The following NCOA6 variants were observed in gnomAD, a reference collection of about 807,000 sequenced individuals.
The protein encoded by NCOA6 is nuclear receptor coactivator 6.
Under a neutral mutation model 171.4 loss-of-function variants are expected in NCOA6, and 49 were observed. The observed-to-expected ratio is 0.29, with a 90% CI of 0.23 to 0.36. The LOEUF (loss-of-function observed/expected upper bound fraction) is 0.36. Ranked by LOEUF, NCOA6 falls within the 10% of genes least tolerant of loss-of-function variation. The pLI, the probability that NCOA6 is intolerant of heterozygous loss-of-function variation, is 1.00. For synonymous variants in NCOA6, 910 were observed against 927.5 expected, an observed-to-expected ratio of 0.98 and a Z score of 0.34; for missense variants, 2,248 against 2,554.5, an observed-to-expected ratio of 0.88 and a Z score of 2.59.
intron 1 of NCOA6, among the ~76,000 whole-genome samples, chr20:34,803,051 T>C (rs970515377): frequency 6.6e-6 from 1 of 151,992 alleles, no homozygotes; most frequent in African/African-American, 2.4e-5. Context: ...GCTCAAGTGA[T>C]CCACCCACCT....
At chr20:34,734,574 C>T (rs556135097) in intron 12 of NCOA6, among the ~76,000 whole-genome samples, 137 of 152,108 alleles carry the variant, frequency 9.0e-4, no homozygotes, top group African/African-American at 3.1e-3. Flanking sequence ...TTGAACCCCT[C>T]GGCTCAATCA....
At chr20:34,801,661 C>A (rs571764041) in intron 1 of NCOA6, among the ~76,000 whole-genome samples, 1 of 152,150 alleles carries the variant, frequency 6.6e-6, no homozygotes, top group East Asian at 1.9e-4. Flanking sequence ...CCTGAACAGA[C>A]CAGTAACAAG....
intron 8 of NCOA6, among the ~76,000 whole-genome samples, chr20:34,752,094 G>A (rs951074563): frequency 6.6e-6 from 1 of 152,070 alleles, no homozygotes; most frequent in African/African-American, 2.4e-5. Context: ...CTGACCTCAG[G>A]TGATCCACCC....
chr20:34,796,980 A>G lies in NCOA6; in HGVS notation c.-163-4417T>C, dbSNP rs181943369. Among the ~76,000 whole-genome samples the G allele has an allele frequency of 4.1e-3, 630 of 152,214 alleles. 2 individuals are homozygous for G. The highest frequency in any genetic ancestry group is 0.015 in the African/African-American group (602 of 41,514). ...AAAACAAAAGTTAGCTATAAATAAA[A>G]CCTCTTAAACGCTTAGTATCAATAT... is the stretch of plus-strand genomic sequence containing the variant. On this transcript the variant is annotated intron_variant, in intron 1 of 14. Coordinates refer to ENST00000359003, the MANE Select transcript of NCOA6 (RefSeq NM_014071.5).
rs186950817 is a variant in NCOA6 at position 34,805,032 on chromosome 20, T to C, written c.-163-12469A>G. ...CTAGTAACCTCTGTTCTACTCTCTA[T>C]TTCTTATACCCTTTTTTTTTTTTTT... On this transcript the variant is annotated intron_variant, in intron 1 of 14. Coordinates refer to ENST00000359003, the MANE Select transcript of NCOA6 (RefSeq NM_014071.5). Among the ~76,000 whole-genome samples the C allele has an allele frequency of 5.9e-5, 9 of 151,908 alleles. No individual in the cohort carries two copies. The East Asian group carries it at 1.7e-3, about 29-fold the overall frequency.
chr20:34,734,893 C>CCGGT (rs1176167815), intron 12 of NCOA6, among the ~76,000 whole-genome samples: 1 of 152,146 alleles, frequency 6.6e-6, no homozygotes, highest in African/African-American at 2.4e-5. Flanking sequence ...GGTGATCTGA[C>CCGGT]CGCCTCGGCC....
At position 34,741,938 on chromosome 20, in the gene NCOA6, C is replaced by G; in HGVS notation, c.4318G>C (p.Glu1440Gln). ...TCTTGGGCAGGGACTGCTTTTAGTT[C>G]AATGTTTACCTGTTCCTTCCTACTC... ...SQSRKEQVNI[E>Q]LKAVPAQEVK... Residue 1440 changes from glutamate (E) to glutamine (Q), a missense_variant, in exon 11 of 15, where the codon GAA becomes CAA. This residue lies in a region of NCOA6 where 884 missense variants were observed against 941.9 expected (regional missense o/e 0.94). Coordinates refer to ENST00000359003, the MANE Select transcript of NCOA6 (RefSeq NM_014071.5). The G allele has an allele frequency of 6.2e-7, 1 of 1,614,158 alleles. No homozygotes were observed. The highest frequency in any genetic ancestry group is 1.1e-5 in the South Asian group (1 of 91,076).
At chr20:34,733,632 A>G (rs1180447438) in intron 12 of NCOA6, among the ~76,000 whole-genome samples, 2 of 152,104 alleles carry the variant, frequency 1.3e-5, no homozygotes, top group East Asian at 3.9e-4. Flanking sequence ...TCATAACTCA[A>G]TGTTATTAGC....
chr20:34,755,000 C>T, intron 7 of NCOA6, 132 bp from the exon 8 acceptor site: 1 of 817,458 alleles, frequency 1.2e-6, no homozygotes, highest in Non-Finnish European at 1.8e-6. Flanking sequence ...CTGGTAGGAT[C>T]TTTAATAATA....
chr20:34,758,753 ATC>A (rs11468960), intron 6 of NCOA6, 50 bp downstream of exon 6: 598,983 of 1,586,246 alleles, frequency 0.38, 115,915 homozygotes, highest in Middle Eastern at 0.44. Flanking sequence ...TTTTATAATG[ATC>A]TGTGCAGAAA....
chr20:34,746,679 A>G, intron 10 of NCOA6, 128 bp downstream of exon 10: 1 of 1,107,434 alleles, frequency 9.0e-7, no homozygotes, highest in Non-Finnish European at 1.2e-6. Flanking sequence ...AATACCAGAC[A>G]CATTAAATCA....
chr20:34,750,484 G>T lies in NCOA6; in HGVS notation c.1711C>A (p.Gln571Lys). 1 of 1,611,454 alleles carries T rather than the reference G, an allele frequency of 6.2e-7. No homozygotes were observed. The highest frequency in any genetic ancestry group is 8.5e-7 in the Non-Finnish European group (1 of 1,178,506). ...QGAGPPQNQMQVSHGPPNMMQ... is the reference protein window; with the variant it reads ...QGAGPPQNQMKVSHGPPNMMQ... ...ATATTTGGCGGCCCGTGGGACACCT[G>T]CATCTGGTTTTGAGGAGGACCAGCT... The change falls in exon 9 of 15, where the codon CAG (glutamine) becomes AAG (lysine). Residue 571 changes from glutamine (Q) to lysine (K), a missense_variant. By Grantham distance (53) the Gln-to-Lys change is moderately conservative. Coordinates refer to ENST00000359003, the MANE Select transcript of NCOA6 (RefSeq NM_014071.5).
At chr20:34,759,020 G>C in intron 5 of NCOA6, 87 bp from the exon 6 acceptor site, 2 of 1,432,584 alleles carry the variant, frequency 1.4e-6, no homozygotes, top group Non-Finnish European at 9.6e-7. Flanking sequence ...GAAAAGATAT[G>C]GAAAATTTGT....
intron 12 of NCOA6, 166 bp from the exon 13 acceptor site, chr20:34,732,761 G>A (rs2075826526): frequency 5.5e-6 from 3 of 547,364 alleles, no homozygotes; most frequent in Non-Finnish European, 9.7e-6. Flanking sequence ...GATACAACTT[G>A]GTTTGTTTGG....
chr20:34,807,675 G>A (rs1222652129), intron 1 of NCOA6, among the ~76,000 whole-genome samples: 1 of 151,916 alleles, frequency 6.6e-6, no homozygotes, highest in Non-Finnish European at 1.5e-5. Context: ...ACAGGTGCCT[G>A]CCACTAGTCC....
At chr20:34,802,185 G>A (rs570172803) in intron 1 of NCOA6, among the ~76,000 whole-genome samples, 90 of 152,332 alleles carry the variant, frequency 5.9e-4, no homozygotes, top group Non-Finnish European at 1.0e-3. Flanking sequence ...ATCATTCATA[G>A]GCTGGGTGCG....
At chr20:34,762,674 A>G (rs762779024) in intron 5 of NCOA6, among the ~76,000 whole-genome samples, 1 of 152,158 alleles carries the variant, frequency 6.6e-6, no homozygotes, top group African/African-American at 2.4e-5. Flanking sequence ...TTATTACTAA[A>G]TAAGTCAATG....
chr20:34,801,716 T>A (rs1444384703), intron 1 of NCOA6, among the ~76,000 whole-genome samples: 1 of 151,952 alleles, frequency 6.6e-6, no homozygotes, highest in Non-Finnish European at 1.5e-5. Flanking sequence ...AATACAAAAA[T>A]TAGCCAGGCA....
chr20:34,766,172 T>C (rs1311583462), intron 5 of NCOA6, among the ~76,000 whole-genome samples: 1 of 152,210 alleles, frequency 6.6e-6, no homozygotes, highest in East Asian at 1.9e-4. Flanking sequence ...GGTTAAGATG[T>C]TACTGTTACT....
Sources: gnomAD v4.1 joint callset for allele counts (sites outside exome capture counted in the v4.1 genomes callset) on GRCh38, gnomAD v4.1.1 for gene constraint, gnomAD v4.1.1 regional missense constraint, MANE v1.5 for transcripts, NCBI Gene and HGNC (gene_info 2026-07-23, HGNC 2026-07-21) for gene names.